The following CHN2 variants were observed in gnomAD, a reference collection of about 807,000 sequenced individuals.
CHN2 encodes beta-chimaerin.
Under a neutral mutation model 56.3 loss-of-function variants are expected in CHN2, and 35 were observed. The observed-to-expected ratio is 0.62, with a 90% CI of 0.47 to 0.82. The LOEUF is 0.82. Among genes scored for constraint, CHN2 ranks in the 40% least tolerant of loss-of-function variants. The pLI is 0.00. For missense variants in CHN2, 491 were observed against 580.5 expected, an observed-to-expected ratio of 0.85 and a Z score of 1.58; for synonymous variants, 210 against 212.8, an observed-to-expected ratio of 0.99 and a Z score of 0.12.
chr7:29,361,245 A>G (rs1451264453), intron 2 of CHN2, among the ~76,000 whole-genome samples: 1 of 152,188 alleles, frequency 6.6e-6, no homozygotes, highest in Non-Finnish European at 1.5e-5. Context: ...GTTATATTCA[A>G]CTCTGCCTCA....
chr7:29,410,483 G>C (rs1317396107), intron 6 of CHN2, among the ~76,000 whole-genome samples: 1 of 151,954 alleles, frequency 6.6e-6, no homozygotes, highest in Non-Finnish European at 1.5e-5. Flanking sequence ...GGTGAGAAAT[G>C]GAGAGTATAT....
At chr7:29,349,226 C>CTTCT (rs1318299392) in intron 1 of CHN2, among the ~76,000 whole-genome samples, 1 of 152,132 alleles carries the variant, frequency 6.6e-6, no homozygotes, top group Non-Finnish European at 1.5e-5. Flanking sequence ...CTGTTAGTCT[C>CTTCT]TTCTTTTTTA....
At chr7:29,333,326 A>G (rs2128906164) in intron 1 of CHN2, among the ~76,000 whole-genome samples, 1 of 152,258 alleles carries the variant, frequency 6.6e-6, no homozygotes, top group African/African-American at 2.4e-5. Flanking sequence ...AACAGCTGCT[A>G]AAGCTTCATG....
intron 1 of CHN2, among the ~76,000 whole-genome samples, chr7:29,260,779 C>T (rs1789474735): frequency 6.6e-6 from 1 of 152,162 alleles, no homozygotes; most frequent in African/African-American, 2.4e-5. Context: ...GGACACCGGA[C>T]CTGTTTTATG....
At chr7:29,252,338 G>A (rs1326673095) in intron 1 of CHN2, among the ~76,000 whole-genome samples, 2 of 151,212 alleles carry the variant, frequency 1.3e-5, no homozygotes, top group Admixed American at 6.6e-5. Context: ...ACAGGCACCC[G>A]CCACCATGCC....
At chr7:29,232,711 T>TCCCATCGGTGTGCACTCACATATTTTA (rs1786817305) in intron 1 of CHN2, among the ~76,000 whole-genome samples, 1 of 152,230 alleles carries the variant, frequency 6.6e-6, no homozygotes, top group Non-Finnish European at 1.5e-5. Flanking sequence ...TGATCATGTA[T>TCCCATCGGTGTGCACTCACATATTTTA]CCCATCGGTG....
chr7:29,390,215 AG>A (rs1232777217), intron 3 of CHN2, among the ~76,000 whole-genome samples: 4 of 152,166 alleles, frequency 2.6e-5, no homozygotes, highest in African/African-American at 9.7e-5. Flanking sequence ...TTTTTGAGCC[AG>A]CTGGATCATC....
At chr7:29,148,318 AG>A (rs753195511) in intron 2 of CHN2, among the ~76,000 whole-genome samples, 3 of 152,338 alleles carry the variant, frequency 2.0e-5, no homozygotes, top group East Asian at 3.9e-4. Flanking sequence ...CAGTAAACAC[AG>A]GAGGAGCCAT....
intron 1 of CHN2, among the ~76,000 whole-genome samples, chr7:29,332,172 G>A (rs892604358): frequency 6.6e-6 from 1 of 152,154 alleles, no homozygotes; most frequent in African/African-American, 2.4e-5. Context: ...GCAGTGGCGC[G>A]AGACTGTCCA....
chr7:29,348,107 G>A (rs1163941333), intron 1 of CHN2, among the ~76,000 whole-genome samples: 2 of 152,124 alleles, frequency 1.3e-5, no homozygotes, highest in Non-Finnish European at 2.9e-5. Flanking sequence ...TAAAAACAAC[G>A]GAGGTATTAC....
intron 1 of CHN2, among the ~76,000 whole-genome samples, chr7:29,236,335 A>T (rs1373942124): frequency 6.6e-6 from 1 of 152,236 alleles, no homozygotes; most frequent in Non-Finnish European, 1.5e-5. Context: ...CCTATAGAGT[A>T]ATTGACAGTG....
intron 2 of CHN2, among the ~76,000 whole-genome samples, chr7:29,169,046 A>T (rs915086126): frequency 9.9e-5 from 15 of 152,124 alleles, no homozygotes; most frequent in African/African-American, 3.6e-4. Flanking sequence ...TTGTGGTTTG[A>T]TTTTCATAGG....
intron 3 of CHN2, among the ~76,000 whole-genome samples, chr7:29,382,327 A>T (rs1800577272): frequency 6.6e-6 from 1 of 152,220 alleles, no homozygotes; most frequent in Non-Finnish European, 1.5e-5. Flanking sequence ...CGATTAGCAG[A>T]ATCACTGGCT....
chr7:29,466,909 A>T (rs987113162), intron 6 of CHN2, among the ~76,000 whole-genome samples: 3 of 152,202 alleles, frequency 2.0e-5, no homozygotes, highest in African/African-American at 7.2e-5. Context: ...TAATATAATT[A>T]AAGAAGTTTT....
At chr7:29,376,849 C>CT (rs1322695346) in intron 3 of CHN2, among the ~76,000 whole-genome samples, 1 of 152,132 alleles carries the variant, frequency 6.6e-6, no homozygotes, top group Non-Finnish European at 1.5e-5. Flanking sequence ...TTCCTGTACT[C>CT]TTTTATGTTG....
chr7:29,204,676 A>G (rs1281168716), intron 1 of CHN2, among the ~76,000 whole-genome samples: 1 of 152,124 alleles, frequency 6.6e-6, no homozygotes, highest in Non-Finnish European at 1.5e-5. Flanking sequence ...CTAGGGTTGA[A>G]GGTACTCCCG....
chr7:29,337,303 A>T (rs186602494), intron 1 of CHN2, among the ~76,000 whole-genome samples: 1 of 152,304 alleles, frequency 6.6e-6, no homozygotes, highest in Admixed American at 6.5e-5. Context: ...TATTAAGGAA[A>T]GGTTTGTTTT....
intron 1 of CHN2, among the ~76,000 whole-genome samples, chr7:29,282,677 A>G (rs1213098640): frequency 6.6e-6 from 1 of 152,240 alleles, no homozygotes; most frequent in Admixed American, 6.5e-5. Context: ...CCTAAAGGGA[A>G]AATAAATTTG....
intron 2 of CHN2, among the ~76,000 whole-genome samples, chr7:29,150,664 A>C (rs1793463914): frequency 6.6e-6 from 1 of 152,216 alleles, no homozygotes; most frequent in Admixed American, 6.5e-5. Flanking sequence ...GCTGCAATGG[A>C]AACAAGGGGA....
Sources: allele counts gnomAD v4.1 joint callset (sites outside exome capture counted in the v4.1 genomes callset), GRCh38; gene constraint gnomAD v4.1.1; transcripts MANE v1.5; gene names NCBI Gene and HGNC (gene_info 2026-07-23, HGNC 2026-07-21).